The following SERGEF variants were observed in gnomAD, a reference collection of about 807,000 sequenced individuals.
The protein encoded by SERGEF is secretion-regulating guanine nucleotide exchange factor.
In SERGEF, 51 loss-of-function variants were observed where a neutral mutation model predicts 50.0. That is an observed-to-expected ratio of 1.02 (90% CI 0.81 to 1.29). The LOEUF is 1.29. Among genes scored for constraint, SERGEF ranks in the 50% most tolerant of loss-of-function variants. The pLI, the probability that SERGEF is intolerant of heterozygous loss-of-function variation, is 0.00. For missense variants in SERGEF, 521 were observed against 557.0 expected, an observed-to-expected ratio of 0.94 and a Z score of 0.65; for synonymous variants, 205 against 212.4, an observed-to-expected ratio of 0.97 and a Z score of 0.30.
chr11:17,983,216 C>A lies in SERGEF; in HGVS notation c.844+5381G>T, dbSNP rs169807. Among the ~76,000 whole-genome samples, 1,075 of 152,240 alleles carry A rather than the reference C, an allele frequency of 7.1e-3. 72 individuals are homozygous for A. The East Asian group carries it at 0.15, about 22-fold the overall frequency. ...GCAACTGGATTCTAGACATTCTGAC[C>A]AACTCCACATTAAGGTTTAGATCTT... On this transcript the variant is annotated intron_variant, in intron 8 of 10. Transcript: ENST00000265965.
intron 10 of SERGEF, among the ~76,000 whole-genome samples, chr11:17,804,033 C>T (rs533644645): frequency 6.6e-6 from 1 of 152,322 alleles, no homozygotes; most frequent in Admixed American, 6.5e-5. Flanking sequence ...GGATCAGACA[C>T]CTAGTGGGGC....
chr11:18,010,111 C>A (rs1045075582), intron 1 of SERGEF: 4 of 1,260,134 alleles, frequency 3.2e-6, no homozygotes, highest in Non-Finnish European at 3.1e-6. Context: ...GAAGTAAAAT[C>A]TTTTAAATAT....
chr11:17,860,137 G>A (rs186705677), intron 10 of SERGEF, among the ~76,000 whole-genome samples: 41 of 152,256 alleles, frequency 2.7e-4, no homozygotes, highest in African/African-American at 7.7e-4. Flanking sequence ...AAGAGTTGAC[G>A]TCTTTGACCA....
chr11:17,896,654 G>T (rs1851636285), intron 9 of SERGEF, among the ~76,000 whole-genome samples: 1 of 59,020 alleles, frequency 1.7e-5, no homozygotes, highest in Non-Finnish European at 3.4e-5. Context: ...AAGGGAAGGG[G>T]AAGGGAAGGG....
chr11:17,803,964 G>C (rs1002291076), intron 10 of SERGEF, among the ~76,000 whole-genome samples: 2 of 152,214 alleles, frequency 1.3e-5, no homozygotes, highest in African/African-American at 4.8e-5. Flanking sequence ...TGTGTCATTT[G>C]TTTTCTGGCA....
At chr11:17,835,427 T>C (rs186511632) in intron 10 of SERGEF, among the ~76,000 whole-genome samples, 17 of 152,310 alleles carry the variant, frequency 1.1e-4, no homozygotes, top group Non-Finnish European at 2.5e-4. Flanking sequence ...CCTACATATA[T>C]GGTGTACTTG....
chr11:17,868,281 C>T (rs1420891853), intron 10 of SERGEF, among the ~76,000 whole-genome samples: 5 of 152,170 alleles, frequency 3.3e-5, no homozygotes, highest in African/African-American at 1.2e-4. Flanking sequence ...ACCACATACC[C>T]TAAATCATTT....
chr11:17,788,744 A>C (rs1849430685), intron 10 of SERGEF, among the ~76,000 whole-genome samples: 1 of 151,920 alleles, frequency 6.6e-6, no homozygotes, highest in Admixed American at 6.6e-5. Context: ...AAACATCTCA[A>C]ATCTTTCCCC....
chr11:17,933,694 G>A (rs192243810), intron 9 of SERGEF, among the ~76,000 whole-genome samples: 14 of 146,546 alleles, frequency 9.6e-5, no homozygotes, highest in African/African-American at 3.5e-4. Flanking sequence ...CAAACTACTT[G>A]TAAAATACTT....
rs1040948991 is a variant in SERGEF, at chr11:17,888,178, C to A, written c.1012-9934G>T. Among the ~76,000 whole-genome samples the A allele has an allele frequency of 5.3e-5, 8 of 152,054 alleles. No homozygotes were observed. Among genetic ancestry groups the A allele is most frequent in the African/African-American group, 1.9e-4 (8 of 41,398 alleles). Reference sequence around the variant, plus strand: ...TCCCCACCTCTTCCAGGAAACCGGCCCCTAGTGCCAAAAAGGTTGGGGACT... The same window carrying A: ...TCCCCACCTCTTCCAGGAAACCGGCACCTAGTGCCAAAAAGGTTGGGGACT... On this transcript the variant is annotated intron_variant, in intron 9 of 10. Transcript: ENST00000265965. The surrounding 1 kb of genome is among the most constrained non-coding windows in gnomAD (Gnocchi z 4.1).
chr11:17,960,483 C>A (rs1852974037), intron 8 of SERGEF, among the ~76,000 whole-genome samples: 1 of 152,174 alleles, frequency 6.6e-6, no homozygotes. Flanking sequence ...TTAACAGATT[C>A]TCTGCAATAA....
intron 10 of SERGEF, among the ~76,000 whole-genome samples, chr11:17,839,871 C>T (rs928909911): frequency 6.6e-6 from 1 of 152,198 alleles, no homozygotes; most frequent in African/African-American, 2.4e-5. Context: ...CAGAGAGCCA[C>T]CTGCCTAATT....
At chr11:17,829,267 C>CA (rs1226127840) in intron 10 of SERGEF, among the ~76,000 whole-genome samples, 1 of 152,200 alleles carries the variant, frequency 6.6e-6, no homozygotes, top group Non-Finnish European at 1.5e-5. Flanking sequence ...TAGTCTCTTG[C>CA]AAACTTTATT....
chr11:17,970,467 A>G (rs1565218770), intron 8 of SERGEF, among the ~76,000 whole-genome samples: 2 of 152,182 alleles, frequency 1.3e-5, no homozygotes, highest in African/African-American at 4.8e-5. Flanking sequence ...AATTAGGCCA[A>G]TTAATAACCC....
At chr11:17,856,975 T>C (rs540186914) in intron 10 of SERGEF, among the ~76,000 whole-genome samples, 1 of 152,320 alleles carries the variant, frequency 6.6e-6, no homozygotes, top group South Asian at 2.1e-4. Context: ...TAAACAGGTC[T>C]ACAATTTGGC....
chr11:17,913,526 G>A (rs1232087885), intron 9 of SERGEF, among the ~76,000 whole-genome samples: 2 of 152,174 alleles, frequency 1.3e-5, no homozygotes, highest in Non-Finnish European at 2.9e-5. Flanking sequence ...TACTGCTATT[G>A]TAAGATAATA....
chr11:17,880,487 T>C (rs549175749), intron 9 of SERGEF, among the ~76,000 whole-genome samples: 9 of 152,292 alleles, frequency 5.9e-5, no homozygotes, highest in African/African-American at 1.7e-4. Flanking sequence ...AAAATATTCA[T>C]GATATGAAAA....
intron 8 of SERGEF, among the ~76,000 whole-genome samples, chr11:17,962,486 A>G (rs1192867587): frequency 6.6e-6 from 1 of 152,238 alleles, no homozygotes; most frequent in East Asian, 1.9e-4. Context: ...AAAGGATTAT[A>G]TATTACTATG....
Position 17,870,816 on chromosome 11 carries a change from T to A in SERGEF, c.1048+7392A>T, listed in dbSNP as rs534522000. Among the ~76,000 whole-genome samples the A allele has an allele frequency of 2.6e-5, 4 of 152,322 alleles. No individual in the cohort carries two copies. In the East Asian group the frequency reaches 7.7e-4, roughly 29 times the overall value. On this transcript the variant is annotated intron_variant, in intron 10 of 10. Coordinates refer to ENST00000265965, the MANE Select transcript of SERGEF (RefSeq NM_012139.4). ...AAGAACAAAGTAGGAGGGCTTATAA[T>A]GCTAGATATCAAGATTTATTATAAA...
Sources: allele counts gnomAD v4.1 joint callset (sites outside exome capture counted in the v4.1 genomes callset), GRCh38; gene constraint gnomAD v4.1.1; non-coding constraint Gnocchi (gnomAD v3.1); transcripts MANE v1.5; gene names NCBI Gene and HGNC (gene_info 2026-07-23, HGNC 2026-07-21).